The following ARHGAP39 variants were observed in gnomAD, a reference collection of about 807,000 sequenced individuals.
ARHGAP39 encodes the protein Rho GTPase activating protein 39.
ARHGAP39 carries 44 observed loss-of-function variants against 106.9 expected under a neutral mutation model. The observed-to-expected ratio is 0.41, with a 90% CI of 0.32 to 0.53. The LOEUF (loss-of-function observed/expected upper bound fraction) is 0.53, where lower values mean the gene tolerates loss of function less well. Among genes scored for constraint, ARHGAP39 ranks in the 20% least tolerant of loss-of-function variants. ARHGAP39 has a pLI of 0.21. For synonymous variants in ARHGAP39, 768 were observed against 693.2 expected (o/e 1.11, Z -1.69); for missense variants, 1,496 against 1,577.3 (o/e 0.95, Z 0.87).
the ARHGAP39 span, among the ~76,000 whole-genome samples, chr8:144,693,124 G>A: frequency 3.1e-3 from 426 of 137,886 alleles, 1 homozygote; most frequent in African/African-American, 0.011. Flanking sequence ...GAGAGCAATG[G>A]CACTGTCTCG....
chr8:144,539,144 T>C (rs1255331941), intron 6 of ARHGAP39, among the ~76,000 whole-genome samples: 1 of 152,166 alleles, frequency 6.6e-6, no homozygotes, highest in African/African-American at 2.4e-5. Flanking sequence ...GCGATGTGCT[T>C]ACTGCTGCCA....
intron 1 of ARHGAP39, among the ~76,000 whole-genome samples, chr8:144,614,760 G>A (rs1820590992): frequency 6.6e-6 from 1 of 152,204 alleles, no homozygotes; most frequent in Non-Finnish European, 1.5e-5. Flanking sequence ...TTATTCTAGG[G>A]CTAACTGTTC....
chr8:144,568,776 C>A (rs993459072), intron 3 of ARHGAP39, among the ~76,000 whole-genome samples: 3 of 151,684 alleles, frequency 2.0e-5, no homozygotes, highest in Non-Finnish European at 4.4e-5. Context: ...AATACATAAA[C>A]CCTAAAACAA....
intron 1 of ARHGAP39, among the ~76,000 whole-genome samples, chr8:144,621,755 C>T (rs1238338060): frequency 6.6e-6 from 1 of 152,164 alleles, no homozygotes; most frequent in Non-Finnish European, 1.5e-5. Context: ...GAGGTAGAGG[C>T]TGCAGTGAGC....
chr8:144,629,761 G>A (rs1821016119), intron 1 of ARHGAP39, among the ~76,000 whole-genome samples: 1 of 152,314 alleles, frequency 6.6e-6, no homozygotes, highest in Non-Finnish European at 1.5e-5. Context: ...GTGGGGCTGC[G>A]ACAGGAAGAG....
chr8:144,686,002 G>T (rs1822581493), upstream of ARHGAP39, among the ~76,000 whole-genome samples: 1 of 151,342 alleles, frequency 6.6e-6, no homozygotes, highest in Admixed American at 6.6e-5. Flanking sequence ...CCCGCGGAGG[G>T]CGCGCGCGGC....
intron 7 of ARHGAP39, among the ~76,000 whole-genome samples, chr8:144,535,495 G>A (rs1051875120): frequency 2.0e-5 from 3 of 152,216 alleles, no homozygotes; most frequent in Non-Finnish European, 2.9e-5. Flanking sequence ...TGGTGCCCAC[G>A]CACACTGGAC....
At chr8:144,572,389 T>C (rs1818618126) in intron 3 of ARHGAP39, among the ~76,000 whole-genome samples, 1 of 152,220 alleles carries the variant, frequency 6.6e-6, no homozygotes, top group Admixed American at 6.5e-5. Flanking sequence ...GGATTCCCTA[T>C]TTAATAAATG....
intron 2 of ARHGAP39, among the ~76,000 whole-genome samples, chr8:144,582,822 C>T (rs1819043173): frequency 2.6e-5 from 4 of 152,156 alleles, no homozygotes; most frequent in Non-Finnish European, 1.5e-5. Context: ...CAGGGGAAGG[C>T]AGATGAGAAC....
chr8:144,606,273 CG>C (rs1375433100), intron 1 of ARHGAP39, among the ~76,000 whole-genome samples: 2 of 152,292 alleles, frequency 1.3e-5, no homozygotes, highest in East Asian at 1.9e-4. Flanking sequence ...TTGAAAAACA[CG>C]GGTCTGAGCC....
rs532705615 is a variant in ARHGAP39 at position 144,585,565 on chromosome 8, T to A, written c.81-4288A>T. 3.3e-5 allele frequency among the ~76,000 whole-genome samples: 5 copies of A among 152,110 alleles called. No homozygotes were observed. In the East Asian group the frequency reaches 9.7e-4, roughly 30 times the overall value. On this transcript the variant is annotated intron_variant, in intron 2 of 11. Transcript: ENST00000377307. This position sits in a 1 kb window ranked among gnomAD's most constrained non-coding sequence, Gnocchi z 4.6. The stretch of plus-strand genomic sequence containing the variant: ...CTTGGCCTCAGCCCATGATACAAAG[T>A]GTCAATGACTCCCATCGTTAGAAAC...
rs188279738 is a variant in ARHGAP39, at chr8:144,562,695, C to T, written c.513-7052G>A. Among the ~76,000 whole-genome samples, 122 of 151,684 alleles carry T rather than the reference C, an allele frequency of 8.0e-4. 1 individual carries two copies. Among genetic ancestry groups the T allele is most frequent in the Non-Finnish European group, 1.4e-3 (98 of 67,934 alleles). On this transcript the variant is annotated intron_variant, in intron 3 of 11. Transcript: ENST00000377307. The stretch of plus-strand genomic sequence containing the variant: ...TCGGACTCACTCCAGTGGTTTCCAT[C>T]GGACTCCAGTGGTTTCCATCGGACT...
chr8:144,608,094 T>C lies in ARHGAP39; in HGVS notation c.-81-2399A>G, dbSNP rs185508051. Among the ~76,000 whole-genome samples, 207 of 145,618 alleles carry C rather than the reference T, an allele frequency of 1.4e-3. No homozygotes were observed. The Middle Eastern group carries it at 0.017, about 12-fold the overall frequency. Reference sequence around the variant, plus strand: ...ATCACCTGAACCTGGGAGGCTGAGGTTGCAGTGAGCCGGGATCGTGCCACT... The same window carrying C: ...ATCACCTGAACCTGGGAGGCTGAGGCTGCAGTGAGCCGGGATCGTGCCACT... On this transcript the variant is annotated intron_variant, in intron 1 of 11. Transcript: ENST00000377307.
chr8:144,617,977 T>C (rs542485493), intron 1 of ARHGAP39, among the ~76,000 whole-genome samples: 9 of 152,250 alleles, frequency 5.9e-5, no homozygotes, highest in African/African-American at 1.9e-4. Flanking sequence ...AGATGGGGTC[T>C]CTCTATGCTG....
intron 1 of ARHGAP39, among the ~76,000 whole-genome samples, chr8:144,616,461 C>A (rs933308789): frequency 6.6e-6 from 1 of 152,240 alleles, no homozygotes; most frequent in Non-Finnish European, 1.5e-5. Context: ...AAGGGTCAGA[C>A]CCCTCCTCGG....
Position 144,607,797 on chromosome 8 carries a change from C to T in ARHGAP39, c.-81-2102G>A, listed in dbSNP as rs533866328. ...ACCTCCTTAGAGGAAACGCGCTTTC[C>T]GCCACTCAAATCTCCACACAAGTAT... is the stretch of plus-strand genomic sequence containing the variant. On this transcript the variant is annotated intron_variant, in intron 1 of 11. Transcript: ENST00000377307. Among the ~76,000 whole-genome samples, 10 of 152,304 alleles carry T rather than the reference C, an allele frequency of 6.6e-5. No homozygotes were observed. In the South Asian group the frequency reaches 2.1e-3, roughly 32 times the overall value.
intron 1 of ARHGAP39, among the ~76,000 whole-genome samples, chr8:144,653,309 TA>T (rs1378351157): frequency 6.6e-6 from 1 of 151,830 alleles, no homozygotes; most frequent in Non-Finnish European, 1.5e-5. Context: ...CTCAGAAAAA[TA>T]AATAAAAGAA....
intron 2 of ARHGAP39, among the ~76,000 whole-genome samples, chr8:144,588,806 C>T (rs748475964): frequency 4.6e-5 from 7 of 152,254 alleles, no homozygotes; most frequent in Non-Finnish European, 1.5e-5. Context: ...GCGTGCTCAC[C>T]GCGCCGTGAC....
intron 1 of ARHGAP39, among the ~76,000 whole-genome samples, chr8:144,637,856 T>TTTTC (rs1374254050): frequency 6.6e-6 from 1 of 150,530 alleles, no homozygotes; most frequent in Non-Finnish European, 1.5e-5. Flanking sequence ...ACATGGATAT[T>TTTTC]TTTCTTTCTT....
Sources: gnomAD v4.1 joint callset for allele counts (sites outside exome capture counted in the v4.1 genomes callset) on GRCh38, gnomAD v4.1.1 for gene constraint, Gnocchi (gnomAD v3.1) non-coding constraint, MANE v1.5 for transcripts, NCBI Gene and HGNC (gene_info 2026-07-23, HGNC 2026-07-21) for gene names.